The following DMD variants were observed in gnomAD, a reference collection of about 807,000 sequenced individuals.
DMD encodes mutant dystrophin.
Under a neutral mutation model 330.1 loss-of-function variants are expected in DMD, and 63 were observed. The observed-to-expected ratio is 0.19, with a 90% CI of 0.16 to 0.24. DMD has a LOEUF of 0.24. DMD is among the 10% of genes least tolerant of loss of function. The probability of loss-of-function intolerance (pLI) is 1.00; values close to 1 mark genes in which losing one functional copy is unlikely to be tolerated. For missense variants in DMD, 3,344 were observed against 2,684.1 expected (o/e 1.25, Z -5.43); for synonymous variants, 1,223 against 959.8 (o/e 1.27, Z -5.07).
intron 54 of DMD, among the ~76,000 whole-genome samples, chrX:31,654,491 T>G (rs1264407368): frequency 8.9e-6 from 1 of 111,952 alleles, no homozygotes; most frequent in Non-Finnish European, 1.9e-5. Context: ...AAGATGAGTT[T>G]AATATAACAA....
At chrX:32,035,612 C>T (rs1196612704) in intron 44 of DMD, 3 of 281,663 alleles carry the variant, frequency 1.1e-5, no homozygotes, top group Non-Finnish European at 2.0e-5. Context: ...ACACCTTCTC[C>T]TCTACTAGAG....
rs769225358 is a variant in DMD at position 31,673,072 on chromosome X, A to G, written c.7872+6303T>C. 1.2e-4 allele frequency among the ~76,000 whole-genome samples: 13 copies of G among 112,227 alleles called. 1 individual carries two copies. ...GCTGCAAGATAGGTCAAACAGTGGC[A>G]AGGTTCTTGGAATAAAATTGGCCTT... On this transcript the variant is annotated intron_variant, in intron 53 of 78. Coordinates refer to ENST00000357033, the MANE Select transcript of DMD (RefSeq NM_004006.3).
intron 44 of DMD, among the ~76,000 whole-genome samples, chrX:32,103,646 A>G (rs903699703): frequency 5.3e-5 from 6 of 112,415 alleles, no homozygotes; most frequent in Non-Finnish European, 1.1e-4. Flanking sequence ...TTAATAGAAC[A>G]AATGCAAGTT....
intron 48 of DMD, among the ~76,000 whole-genome samples, chrX:31,847,413 T>C (rs190520323): frequency 2.1e-4 from 23 of 111,683 alleles, no homozygotes; most frequent in Admixed American, 4.8e-4. Flanking sequence ...TTCTACAATT[T>C]ACCTCACTAC....
At chrX:32,005,996 T>G (rs2095659011) in intron 44 of DMD, among the ~76,000 whole-genome samples, 1 of 111,371 alleles carries the variant, frequency 9.0e-6, no homozygotes, top group Non-Finnish European at 1.9e-5. Flanking sequence ...ATTTCCTAAG[T>G]CTTCCAATAA....
chrX:32,408,346 T>A (rs936813215), intron 30 of DMD, among the ~76,000 whole-genome samples: 1 of 111,566 alleles, frequency 9.0e-6, no homozygotes, highest in African/African-American at 3.3e-5. Flanking sequence ...ACTAAGGAAG[T>A]GAGCAGCTCT....
chrX:31,663,619 C>T (rs912705557), intron 53 of DMD, among the ~76,000 whole-genome samples: 6 of 111,184 alleles, frequency 5.4e-5, no homozygotes, highest in South Asian at 7.7e-4. Flanking sequence ...GAGGAAGAGG[C>T]GACTTTTCTG....
chrX:32,887,755 A>AC (rs2084771185), intron 2 of DMD, among the ~76,000 whole-genome samples: 3 of 96,219 alleles, frequency 3.1e-5, no homozygotes, highest in African/African-American at 1.2e-4. Context: ...CAAAAAAAAA[A>AC]AAAAAAAAAA....
intron 37 of DMD, among the ~76,000 whole-genome samples, chrX:32,356,578 T>C (rs896089204): frequency 5.4e-5 from 6 of 110,546 alleles, no homozygotes; most frequent in African/African-American, 1.6e-4. Context: ...ATGCCAGATA[T>C]ATCCTATAGC....
chrX:32,164,411 T>C (rs1359197306), intron 44 of DMD, among the ~76,000 whole-genome samples: 1 of 111,246 alleles, frequency 9.0e-6, no homozygotes, highest in East Asian at 2.8e-4. Flanking sequence ...GAAGAACTTA[T>C]TGGTAACTGG....
At chrX:32,764,253 C>T (rs1401881802) in intron 7 of DMD, among the ~76,000 whole-genome samples, 4 of 111,304 alleles carry the variant, frequency 3.6e-5, no homozygotes, top group Admixed American at 9.6e-5. Context: ...TGAATCCAAA[C>T]ATTTTCTAAA....
At chrX:32,375,007 T>G (rs887892469) in intron 34 of DMD, among the ~76,000 whole-genome samples, 3 of 111,794 alleles carry the variant, frequency 2.7e-5, no homozygotes, top group Non-Finnish European at 5.6e-5. Context: ...ACCCAGTGAC[T>G]TACAGATCTG....
chrX:32,450,053 AT>A (rs1293910455), intron 26 of DMD, among the ~76,000 whole-genome samples: 1 of 110,991 alleles, frequency 9.0e-6, no homozygotes, highest in East Asian at 2.8e-4. Context: ...ATCTTCCCTA[AT>A]TGTTAAAGGC....
At chrX:31,452,598 A>G (rs1403311604) in intron 59 of DMD, among the ~76,000 whole-genome samples, 1 of 112,053 alleles carries the variant, frequency 8.9e-6, no homozygotes, top group African/African-American at 3.2e-5. Context: ...ACAAGAACAA[A>G]AAACTCTAGT....
intron 44 of DMD, among the ~76,000 whole-genome samples, chrX:32,177,013 A>G (rs1449874742): frequency 2.7e-5 from 3 of 111,566 alleles, no homozygotes; most frequent in Non-Finnish European, 5.6e-5. Flanking sequence ...GGTGTATGAC[A>G]TCAGAAACTG....
intron 43 of DMD, among the ~76,000 whole-genome samples, chrX:32,252,518 T>C (rs1388225607): frequency 2.0e-5 from 2 of 100,782 alleles, no homozygotes; most frequent in Non-Finnish European, 3.9e-5. Context: ...TTACTATATG[T>C]TGAATAAATG....
At position 31,932,191 on chromosome X, in the gene DMD, T is replaced by A; in HGVS notation, c.6651A>T (p.Gln2217His). 1 of 1,191,057 alleles carries A rather than the reference T, an allele frequency of 8.4e-7. No homozygotes were observed. The highest frequency in any genetic ancestry group is 1.7e-5 in the African/African-American group (1 of 57,433). Residue 2217 changes from glutamine (Q) to histidine (H), a missense_variant, in exon 46 of 79, where the codon CAA (glutamine) becomes CAT (histidine). By Grantham distance (24) the Gln-to-His change is conservative (BLOSUM62 0). Transcript: ENST00000357033. Reference sequence around the variant, plus strand: ...ATAAAACAAATTCATTTAAATCTCTTTGAAATTCTGACAAGATATTCTTTT... The same window carrying A: ...ATAAAACAAATTCATTTAAATCTCTATGAAATTCTGACAAGATATTCTTTT... The part of the protein sequence containing the change: ...EEQKNILSEF[Q>H]RDLNEFVLWL...
At chrX:33,135,907 T>C (rs1417581750) in intron 1 of DMD, among the ~76,000 whole-genome samples, 4 of 112,638 alleles carry the variant, frequency 3.6e-5, no homozygotes, top group African/African-American at 1.3e-4. Context: ...TAGGAATGTC[T>C]GTGCCAAACA....
chrX:31,535,825 G>C (rs190222097), intron 55 of DMD, among the ~76,000 whole-genome samples: 277 of 111,680 alleles, frequency 2.5e-3, no homozygotes, highest in Non-Finnish European at 3.6e-3. Context: ...GACAGACACT[G>C]TCCCAGTCTA....
Sources: gnomAD v4.1 joint callset for allele counts (sites outside exome capture counted in the v4.1 genomes callset) on GRCh38, gnomAD v4.1.1 for gene constraint, MANE v1.5 for transcripts, NCBI Gene and HGNC (gene_info 2026-07-23, HGNC 2026-07-21) for gene names.